Variants in MICU1 observed in about 807,000 individuals in gnomAD.
The protein encoded by MICU1 is calcium uptake protein 1, mitochondrial.
Under a neutral mutation model 56.8 loss-of-function variants are expected in MICU1, and 45 were observed. The ratio of observed to expected loss-of-function variants is 0.79; its 90% CI spans 0.62 to 1.02. The LOEUF is 1.02. Ranked by LOEUF, MICU1 falls within the 50% of genes least tolerant of loss-of-function variation. The pLI is 0.00. For synonymous variants in MICU1, 186 were observed against 195.1 expected (o/e 0.95, Z 0.39); for missense variants, 504 against 587.1 (o/e 0.86, Z 1.46).
At chr10:72,466,719 GA>G (rs1865804821) in intron 8 of MICU1, among the ~76,000 whole-genome samples, 1 of 152,174 alleles carries the variant, frequency 6.6e-6, no homozygotes, top group African/African-American at 2.4e-5. Context: ...ACAAGTGTTG[GA>G]TTGAAAGCCT....
At chr10:72,480,905 A>G (rs73280943) in intron 6 of MICU1, among the ~76,000 whole-genome samples, 5,589 of 152,318 alleles carry the variant, frequency 0.037, 355 homozygotes, top group African/African-American at 0.13. Context: ...ACTTTACCAA[A>G]CAAAGTATAC....
At chr10:72,544,389 AT>A (rs1839849739) in intron 4 of MICU1, among the ~76,000 whole-genome samples, 2 of 152,152 alleles carry the variant, frequency 1.3e-5, no homozygotes, top group Non-Finnish European at 2.9e-5. Context: ...TAGAGATAAT[AT>A]GGAGTCCAGG....
chr10:72,470,876 CA>C (rs1050847578), intron 8 of MICU1, among the ~76,000 whole-genome samples: 1 of 152,154 alleles, frequency 6.6e-6, no homozygotes, highest in African/African-American at 2.4e-5. Context: ...TGCTGACTGG[CA>C]AAAGGAACAG....
At position 72,580,474 on chromosome 10, in the gene MICU1, AT is replaced by A. The variant is rs879318360; in HGVS notation, c.-1-13681del. ...ATTTATTTATTTATTTAATTAATTAATTTATTTATTTATTTATTTTGAGACA... is the reference window on the plus strand; with the variant it reads ...ATTTATTTATTTATTTAATTAATTAATTATTTATTTATTTATTTTGAGACA... On this transcript the variant is annotated intron_variant, in intron 1 of 11. Coordinates refer to ENST00000361114, the MANE Select transcript of MICU1 (RefSeq NM_001195518.2). Among the ~76,000 whole-genome samples, 66 of 27,520 alleles carry A rather than the reference AT, an allele frequency of 2.4e-3. 1 individual carries two copies. The highest frequency in any genetic ancestry group is 0.022 in the Middle Eastern group (1 of 46). 18.1% of individuals were successfully genotyped at this position (27,520 alleles called of 152,430 possible).
chr10:72,589,481 T>C (rs916788854), intron 1 of MICU1, among the ~76,000 whole-genome samples: 7 of 152,056 alleles, frequency 4.6e-5, no homozygotes, highest in African/African-American at 1.7e-4. Context: ...ATAGATTTAA[T>C]GTAGTCTCAG....
Position 72,539,593 on chromosome 10 carries a change from T to C in MICU1, c.494-5804A>G, listed in dbSNP as rs537100359. 7.2e-5 allele frequency among the ~76,000 whole-genome samples: 11 copies of C among 152,184 alleles called. No individual in the cohort carries two copies. In the South Asian group the frequency reaches 2.3e-3, roughly 32 times the overall value. On this transcript the variant is annotated intron_variant, in intron 4 of 11. Transcript: ENST00000361114. Reference sequence around the variant, plus strand: ...CTATGGAATATACCAAAAACAATTCTAAGAGGGAAGTTGATAACAATAAAC... The same window carrying C: ...CTATGGAATATACCAAAAACAATTCCAAGAGGGAAGTTGATAACAATAAAC...
chr10:72,461,367 G>C (rs924028984), intron 8 of MICU1, among the ~76,000 whole-genome samples: 11 of 152,166 alleles, frequency 7.2e-5, no homozygotes, highest in Non-Finnish European at 1.2e-4. Flanking sequence ...TCTTTAGACA[G>C]AATGAATTTC....
intron 4 of MICU1, 52 bp from the exon 5 acceptor site, chr10:72,533,841 A>G: frequency 7.7e-7 from 1 of 1,292,012 alleles, no homozygotes. Flanking sequence ...CTCAAGTGAA[A>G]TTTATAAAAT....
chr10:72,499,196 T>C (rs1249074922), intron 6 of MICU1, among the ~76,000 whole-genome samples: 1 of 152,204 alleles, frequency 6.6e-6, no homozygotes, highest in Non-Finnish European at 1.5e-5. Flanking sequence ...GTTCTCTGCT[T>C]AGCCTTGAAC....
In MICU1 at chr10:72,373,538, T is replaced by C. The variant is rs186579072; in HGVS notation, c.1270+2245A>G. Among the ~76,000 whole-genome samples the C allele has an allele frequency of 3.0e-3, 459 of 152,300 alleles. 3 individuals carry two copies. Among genetic ancestry groups the C allele is most frequent in the African/African-American group, 0.01 (436 of 41,566 alleles). ...AAAATAACAACGGCTTTTTGTTAAG[T>C]ATACTTTTTCTTTCTAGATTAAGAA... is the stretch of plus-strand genomic sequence containing the variant. On this transcript the variant is annotated intron_variant, in intron 11 of 11. Transcript: ENST00000361114.
chr10:72,533,670 C>T (rs2132410385), intron 5 of MICU1, 76 bp downstream of exon 5: 2 of 1,126,514 alleles, frequency 1.8e-6, no homozygotes, highest in East Asian at 2.5e-5. Context: ...ATTTCTCAAA[C>T]ATAACTATAG....
intron 5 of MICU1, among the ~76,000 whole-genome samples, chr10:72,523,077 C>G (rs1205919197): frequency 6.6e-6 from 1 of 152,102 alleles, no homozygotes; most frequent in Non-Finnish European, 1.5e-5. Context: ...CTGCAGATTC[C>G]AGAGACTTTT....
chr10:72,620,768 A>G (rs569450709), intron 1 of MICU1, among the ~76,000 whole-genome samples: 2 of 152,184 alleles, frequency 1.3e-5, no homozygotes, highest in South Asian at 4.1e-4. Flanking sequence ...ATGTGGCAAT[A>G]TTTAACTTTT....
intron 5 of MICU1, among the ~76,000 whole-genome samples, chr10:72,515,128 ACT>A (rs1328117149): frequency 1.3e-5 from 2 of 152,162 alleles, no homozygotes; most frequent in East Asian, 3.9e-4. Flanking sequence ...ACACAAGCAA[ACT>A]CTGTCAGGAA....
At chr10:72,369,950 G>A (rs896889485) in intron 11 of MICU1, among the ~76,000 whole-genome samples, 24 of 84,280 alleles carry the variant, frequency 2.8e-4, no homozygotes, top group Middle Eastern at 5.1e-3. Context: ...GTGCGATCTC[G>A]GATCACTGCA....
At chr10:72,410,512 GGGAGGCT>G (rs1487624639) in intron 9 of MICU1, among the ~76,000 whole-genome samples, 1 of 152,148 alleles carries the variant, frequency 6.6e-6, no homozygotes, top group Non-Finnish European at 1.5e-5. Context: ...CCAGCTACTT[GGGAGGCT>G]GAGGCAGGAG....
chr10:72,452,803 C>T (rs1865339570), intron 8 of MICU1, among the ~76,000 whole-genome samples: 1 of 151,592 alleles, frequency 6.6e-6, no homozygotes, highest in African/African-American at 2.4e-5. Flanking sequence ...TTGACATACA[C>T]TAATTATAGC....
intron 1 of MICU1, among the ~76,000 whole-genome samples, chr10:72,592,510 G>A (rs1841256640): frequency 6.6e-6 from 1 of 152,116 alleles, no homozygotes; most frequent in Non-Finnish European, 1.5e-5. Context: ...ATCAAAGCCA[G>A]ACAAAGACAC....
At chr10:72,513,953 A>G (rs1054013431) in intron 5 of MICU1, among the ~76,000 whole-genome samples, 1 of 152,190 alleles carries the variant, frequency 6.6e-6, no homozygotes, top group Non-Finnish European at 1.5e-5. Context: ...AAATTGCAGT[A>G]AAATGCATAT....
Sources: allele counts gnomAD v4.1 joint callset (sites outside exome capture counted in the v4.1 genomes callset), GRCh38; gene constraint gnomAD v4.1.1; transcripts MANE v1.5; gene names NCBI Gene and HGNC (gene_info 2026-07-23, HGNC 2026-07-21).